The following SLC25A17 variants were observed in gnomAD, a reference collection of about 807,000 sequenced individuals.
SLC25A17 encodes the protein peroxisomal membrane protein PMP34.
SLC25A17 carries 26 observed loss-of-function variants against 38.5 expected under a neutral mutation model. The ratio of observed to expected loss-of-function variants is 0.68; its 90% CI spans 0.50 to 0.94. SLC25A17 has a LOEUF of 0.94. SLC25A17 is among the 40% of genes least tolerant of loss of function. The pLI, the probability that SLC25A17 is intolerant of heterozygous loss-of-function variation, is 0.00. For synonymous variants in SLC25A17, 139 were observed against 136.2 expected (o/e 1.02, Z -0.14); for missense variants, 333 against 372.7 (o/e 0.89, Z 0.88).
At chr22:40,814,789 A>ATATATATATT (rs1568990979) in intron 1 of SLC25A17, among the ~76,000 whole-genome samples, 1 of 110,340 alleles carries the variant, frequency 9.1e-6, no homozygotes, top group Non-Finnish European at 1.9e-5. Flanking sequence ...ATATATATAT[A>ATATATATATT]TTGTTGTTGT....
At chr22:40,803,687 A>G (rs754980669) in intron 1 of SLC25A17, among the ~76,000 whole-genome samples, 34 of 152,226 alleles carry the variant, frequency 2.2e-4, no homozygotes, top group Non-Finnish European at 3.8e-4. Flanking sequence ...GCTGGATCAT[A>G]TGGTAGTTCT....
chr22:40,795,323 C>T (rs1382784525), intron 2 of SLC25A17, among the ~76,000 whole-genome samples: 2 of 151,336 alleles, frequency 1.3e-5, no homozygotes, highest in Middle Eastern at 3.2e-3. Context: ...GACGGAGTCT[C>T]GCTCTGTCAC....
intron 4 of SLC25A17, among the ~76,000 whole-genome samples, chr22:40,790,724 G>T (rs1394194189): frequency 1.3e-5 from 2 of 152,128 alleles, no homozygotes; most frequent in East Asian, 3.9e-4. Context: ...AAAAGCAAAA[G>T]ATTTCAACAT....
intron 7 of SLC25A17, chr22:40,776,143 T>C (rs1016951333): frequency 2.0e-5 from 6 of 302,016 alleles, no homozygotes; most frequent in Non-Finnish European, 3.3e-5. Context: ...ATTTCCTTTA[T>C]AGTTCTTTTT....
At chr22:40,771,384 A>ACAGG (rs2057182095) in intron 8 of SLC25A17, among the ~76,000 whole-genome samples, 1 of 152,218 alleles carries the variant, frequency 6.6e-6, no homozygotes, top group African/African-American at 2.4e-5. Flanking sequence ...TGCTGGGATT[A>ACAGG]CAGGTGTGAG....
At chr22:40,801,467 T>G (rs919292239) in intron 1 of SLC25A17, among the ~76,000 whole-genome samples, 9 of 152,138 alleles carry the variant, frequency 5.9e-5, no homozygotes, top group African/African-American at 2.4e-5. Context: ...GATTCTCAAT[T>G]AAACATTTAT....
chr22:40,802,769 TTAATAA>T (rs1198347697), intron 1 of SLC25A17, among the ~76,000 whole-genome samples: 6 of 152,174 alleles, frequency 3.9e-5, no homozygotes, highest in African/African-American at 1.4e-4. Context: ...ACTCCAATGA[TTAATAA>T]TGAGAACAGA....
Position 40,816,901 on chromosome 22 carries a change from G to A in SLC25A17, c.54+2294C>T, listed in dbSNP as rs557885542. On this transcript the variant is annotated intron_variant, in intron 1 of 8. Transcript: ENST00000435456. ...GCTGGGATTACAGGCGTGAGCCACCGCACCCAGCCTATTCATTTATTGTCT... is the reference window on the plus strand; with the variant it reads ...GCTGGGATTACAGGCGTGAGCCACCACACCCAGCCTATTCATTTATTGTCT... Among the ~76,000 whole-genome samples the A allele has an allele frequency of 1.5e-4, 23 of 151,916 alleles. No individual in the cohort carries two copies. In the South Asian group the frequency reaches 1.9e-3, roughly 12 times the overall value.
chr22:40,778,245 T>C (rs925061793), intron 5 of SLC25A17, among the ~76,000 whole-genome samples: 2 of 152,182 alleles, frequency 1.3e-5, no homozygotes, highest in African/African-American at 4.8e-5. Context: ...TCCCCTCCCA[T>C]TGATACTCTT....
intron 4 of SLC25A17, among the ~76,000 whole-genome samples, chr22:40,785,100 T>C (rs2057326509): frequency 6.6e-6 from 1 of 152,200 alleles, no homozygotes; most frequent in Non-Finnish European, 1.5e-5. Context: ...CAAACTCTGT[T>C]AGGCCAGGCA....
chr22:40,798,794 C>T (rs1248437423), intron 2 of SLC25A17, among the ~76,000 whole-genome samples: 4 of 151,400 alleles, frequency 2.6e-5, no homozygotes, highest in Non-Finnish European at 2.9e-5. Context: ...TGGTGAAACA[C>T]CGTCTGTACT....
intron 4 of SLC25A17, among the ~76,000 whole-genome samples, chr22:40,787,782 G>A (rs1002073080): frequency 3.3e-5 from 5 of 152,106 alleles, no homozygotes; most frequent in African/African-American, 1.2e-4. Flanking sequence ...GGAAAGTCTA[G>A]AGGACTTAGA....
At position 40,792,572 on chromosome 22, in the gene SLC25A17, C is replaced by T; in HGVS notation, c.287G>A (p.Gly96Asp). Residue 96 changes from glycine to aspartate, a missense_variant, in exon 4 of 9, where the codon GGT becomes GAT. Coordinates refer to ENST00000435456, the MANE Select transcript of SLC25A17 (RefSeq NM_006358.4). ...FNSLKALWVK[G>D]QHSTTGKDLV... The stretch of plus-strand genomic sequence containing the variant: ...ATCTTTTCCAGTGGTAGAATGTTGA[C>T]CTTTGACCCAGAGTGCTTTGAGGCT... The T allele has an allele frequency of 6.2e-7, 1 of 1,613,896 alleles. No individual in the cohort carries two copies. Among genetic ancestry groups the T allele is most frequent in the Non-Finnish European group, 8.5e-7 (1 of 1,179,900 alleles).
chr22:40,798,429 GT>G (rs2057449681), intron 2 of SLC25A17: 1 of 152,076 alleles, frequency 6.6e-6, no homozygotes, highest in Non-Finnish European at 1.5e-5. Flanking sequence ...CAGAAAAAGA[GT>G]GAAAGCTTCC....
chr22:40,772,028 A>C (rs964152038), intron 8 of SLC25A17, among the ~76,000 whole-genome samples: 4 of 151,756 alleles, frequency 2.6e-5, no homozygotes, highest in Non-Finnish European at 5.9e-5. Flanking sequence ...AAAAAAAAAA[A>C]AACAAAGCCA....
chr22:40,777,009 G>T, intron 7 of SLC25A17, 31 bp downstream of exon 7: 1 of 1,567,938 alleles, frequency 6.4e-7, no homozygotes, highest in South Asian at 1.1e-5. Flanking sequence ...AATGCTGTTT[G>T]ACTAAATGCG....
chr22:40,819,334 G>A lies in SLC25A17; in HGVS notation c.-86C>T, dbSNP rs988408047. On this transcript the variant is annotated 5_prime_UTR_variant, in exon 1 of 9. Transcript: ENST00000435456. ...TAGGAAAGGAGCACCGGAGCTCAGG[G>A]TGTGAGAGTCGCAATCCCCGCCCTC... 1.4e-6 allele frequency: 2 copies of A among 1,420,516 alleles called. No homozygotes were observed. Among genetic ancestry groups the A allele is most frequent in the South Asian group, 1.2e-5 (1 of 85,796 alleles). 88.0% of individuals were successfully genotyped at this position (1,420,516 alleles called of 1,614,324 possible). A position where few individuals can be genotyped will look rare whatever the true frequency, so the allele number is the denominator to read the frequency against.
intron 4 of SLC25A17, among the ~76,000 whole-genome samples, chr22:40,790,824 T>C (rs9619900): frequency 0.018 from 2,813 of 152,288 alleles, 80 homozygotes; most frequent in African/African-American, 0.063. Context: ...TATAAACTAA[T>C]CTAAAATGAT....
intron 3 of SLC25A17, 115 bp from the exon 4 acceptor site, chr22:40,792,791 G>A: frequency 1.0e-6 from 1 of 958,528 alleles, no homozygotes; most frequent in Non-Finnish European, 1.5e-6. Flanking sequence ...ACTCCTACAC[G>A]AATACAAGGG....
Sources: gnomAD v4.1 joint callset for allele counts (sites outside exome capture counted in the v4.1 genomes callset) on GRCh38, gnomAD v4.1.1 for gene constraint, MANE v1.5 for transcripts, NCBI Gene and HGNC (gene_info 2026-07-23, HGNC 2026-07-21) for gene names.